Variants in LPO observed in about 807,000 individuals in gnomAD.
LPO encodes the protein salivary peroxidase.
A neutral mutation model predicts 68.4 loss-of-function variants in LPO; 70 were observed. That is an observed-to-expected ratio of 1.02 (90% confidence interval 0.84 to 1.25). LPO has a LOEUF of 1.25. LPO is among the 50% of genes most tolerant of loss of function. LPO has a pLI of 0.00. For missense variants in LPO, 873 were observed against 908.4 expected, an observed-to-expected ratio of 0.96 and a Z score of 0.50; for synonymous variants, 360 against 357.6, an observed-to-expected ratio of 1.01 and a Z score of -0.08.
At chr17:58,258,734 A>G (rs1194685846) in intron 9 of LPO, among the ~76,000 whole-genome samples, 2 of 152,210 alleles carry the variant, frequency 1.3e-5, no homozygotes, top group Non-Finnish European at 2.9e-5. Context: ...TAGCATCCTG[A>G]CGGTGTCACC....
At chr17:58,240,803 T>G (rs1378089905) in intron 1 of LPO, among the ~76,000 whole-genome samples, 1 of 152,220 alleles carries the variant, frequency 6.6e-6, no homozygotes, top group African/African-American at 2.4e-5. Context: ...AAAAATGGAC[T>G]AATTTTTTAC....
rs1294219328 is a variant in LPO at position 58,241,097 on chromosome 17, T to C, written c.-2-1881T>C. On this transcript the variant is annotated intron_variant, in intron 1 of 12. Coordinates refer to ENST00000262290, the MANE Select transcript of LPO (RefSeq NM_006151.3). ...AAATTTTATGCTATGTGGATTTTTG[T>C]TGTTGTTGTTCTTTTCTTTTCTTTT... 2.0e-5 allele frequency among the ~76,000 whole-genome samples: 3 copies of C among 151,854 alleles called. No homozygotes were observed. In the East Asian group the frequency reaches 5.8e-4, roughly 29 times the overall value.
intron 4 of LPO, among the ~76,000 whole-genome samples, 168 bp from the exon 5 acceptor site, chr17:58,248,892 A>AT (rs1969901163): frequency 2.6e-5 from 4 of 152,282 alleles, no homozygotes; most frequent in African/African-American, 9.6e-5. Flanking sequence ...AAAATGTATT[A>AT]CCTTAATGTG....
intron 4 of LPO, 21 bp downstream of exon 4, chr17:58,247,659 C>G (rs763959271): frequency 1.9e-6 from 3 of 1,607,912 alleles, no homozygotes; most frequent in African/African-American, 2.7e-5. Context: ...CCCACCAGCC[C>G]TCTGTGGCAG....
rs1970259243 is a variant in LPO at position 58,266,170 on chromosome 17, G to A, written c.1537G>A (p.Val513Met). 6.2e-7 allele frequency: 1 copy of A among 1,614,046 alleles called. No individual in the cohort carries two copies. The highest frequency in any genetic ancestry group is 8.5e-7 in the Non-Finnish European group (1 of 1,179,994). Residue 513 changes from valine to methionine, a missense_variant, in exon 11 of 13, where the codon GTG (valine) becomes ATG (methionine). Transcript: ENST00000262290. ...MVKDGGIDPLVRGLLAKKSKL... is the reference protein window; with the variant it reads ...MVKDGGIDPLMRGLLAKKSKL... ...CTTGGCAGGTGGAATTGATCCTCTG[G>A]TGCGGGGCCTGCTGGCCAAGAAATC...
At chr17:58,239,188 G>A (rs1193206820) in intron 1 of LPO, among the ~76,000 whole-genome samples, 1 of 151,112 alleles carries the variant, frequency 6.6e-6, no homozygotes, top group Non-Finnish European at 1.5e-5. Flanking sequence ...TGTTTTAAGG[G>A]GTTCCCTAAG....
rs371994498 is a variant in LPO, at chr17:58,260,171, T to C, written c.1267-4551T>C. On this transcript the variant is annotated intron_variant, in intron 9 of 12. Transcript: ENST00000262290. ...GGTATTACAGCTTTATTGCAGTTTCTACTTATTTTATCAGTGTATGAAAAT... is the reference window on the plus strand; with the variant it reads ...GGTATTACAGCTTTATTGCAGTTTCCACTTATTTTATCAGTGTATGAAAAT... Among the ~76,000 whole-genome samples the C allele has an allele frequency of 1.8e-4, 28 of 152,388 alleles. 1 individual carries two copies. The highest frequency in any genetic ancestry group is 1.6e-3 in the Admixed American group (25 of 15,304).
intron 1 of LPO, among the ~76,000 whole-genome samples, chr17:58,239,017 T>C (rs1370305522): frequency 6.6e-6 from 1 of 152,062 alleles, no homozygotes; most frequent in African/African-American, 2.4e-5. Context: ...ACCATAGACC[T>C]CTCTTATCCA....
chr17:58,261,409 TC>T (rs1970173109), intron 9 of LPO, among the ~76,000 whole-genome samples: 1 of 152,354 alleles, frequency 6.6e-6, no homozygotes, highest in Non-Finnish European at 1.5e-5. Flanking sequence ...GTCAACTTTA[TC>T]TGATATTAAT....
chr17:58,243,239 C>A, intron 2 of LPO, 184 bp downstream of exon 2: 1 of 575,922 alleles, frequency 1.7e-6, no homozygotes, highest in Non-Finnish European at 3.1e-6. Flanking sequence ...CTTCTTCCAG[C>A]TTCTGGTGGC....
intron 8 of LPO, among the ~76,000 whole-genome samples, chr17:58,253,646 A>G (rs1970006388): frequency 6.6e-6 from 1 of 152,164 alleles, no homozygotes; most frequent in Admixed American, 6.5e-5. Flanking sequence ...CTCTTTGGAC[A>G]AACCCCCTGG....
At chr17:58,257,433 G>A (rs973134975) in intron 9 of LPO, among the ~76,000 whole-genome samples, 2 of 152,136 alleles carry the variant, frequency 1.3e-5, no homozygotes, top group Admixed American at 6.5e-5. Flanking sequence ...GTAACATAAT[G>A]ATTTCCACTT....
At chr17:58,256,769 G>T (rs1349925062) in intron 9 of LPO, among the ~76,000 whole-genome samples, 1 of 150,306 alleles carries the variant, frequency 6.7e-6, no homozygotes, top group Non-Finnish European at 1.5e-5. Flanking sequence ...GGAGGTTGCA[G>T]TGAGCCAGGA....
chr17:58,266,024 C>T (rs1221149920), intron 10 of LPO, 129 bp from the exon 11 acceptor site: 5 of 839,912 alleles, frequency 6.0e-6, no homozygotes, highest in Non-Finnish European at 9.2e-6. Context: ...CTCCCTCCTT[C>T]CAGCCTGGGA....
At position 58,264,961 on chromosome 17, in the gene LPO, G is replaced by A; in HGVS notation, c.1506G>A (p.Arg502=). The A allele has an allele frequency of 1.2e-6, 2 of 1,614,148 alleles. No individual in the cohort carries two copies. Among genetic ancestry groups the A allele is most frequent in the Non-Finnish European group, 1.7e-6 (2 of 1,179,992 alleles). ...PLHTLFFNTW[R]MVKDGGIDPL... The stretch of plus-strand genomic sequence containing the variant: ...ACACCCTCTTCTTCAACACTTGGAG[G>A]ATGGTCAAAGATGGTATGCCCTTTC... The change falls in exon 10 of 13, where the codon AGG becomes AGA. Residue 502 remains arginine (R), a synonymous_variant. Transcript: ENST00000262290.
intron 10 of LPO, 24 bp downstream of exon 10, chr17:58,264,998 G>A (rs1598033864): frequency 4.3e-6 from 7 of 1,610,996 alleles, no homozygotes; most frequent in Non-Finnish European, 5.9e-6. Context: ...GGGAAGTGCT[G>A]TCACCTGGGT....
At chr17:58,254,115 A>T (rs1970015176) in intron 8 of LPO, among the ~76,000 whole-genome samples, 1 of 151,824 alleles carries the variant, frequency 6.6e-6, no homozygotes, top group African/African-American at 2.4e-5. Context: ...GTCCAGATAG[A>T]TAGATAGATG....
At chr17:58,247,052 G>C (rs1969863413) in intron 3 of LPO, among the ~76,000 whole-genome samples, 1 of 152,170 alleles carries the variant, frequency 6.6e-6, no homozygotes, top group Non-Finnish European at 1.5e-5. Flanking sequence ...AGGAAATTGT[G>C]ATTTCCAGTT....
intron 9 of LPO, among the ~76,000 whole-genome samples, chr17:58,256,687 G>A (rs1348356938): frequency 2.0e-5 from 3 of 151,956 alleles, no homozygotes; most frequent in Admixed American, 6.6e-5. Flanking sequence ...GGTGGCATGC[G>A]CCTGTAGTCC....
Sources: gnomAD v4.1 joint callset for allele counts (sites outside exome capture counted in the v4.1 genomes callset) on GRCh38, gnomAD v4.1.1 for gene constraint, MANE v1.5 for transcripts, NCBI Gene and HGNC (gene_info 2026-07-23, HGNC 2026-07-21) for gene names.